The following MCUB variants were observed in gnomAD, a reference collection of about 807,000 sequenced individuals.
MCUB encodes mitochondrial calcium uniporter dominant negative subunit beta, also known as calcium uniporter regulatory subunit MCUb, mitochondrial.
A neutral mutation model predicts 41.4 loss-of-function variants in MCUB; 46 were observed. That is an observed-to-expected ratio of 1.11 (90% CI 0.88 to 1.42). MCUB has a LOEUF of 1.42. MCUB is among the 40% of genes most tolerant of loss of function. The probability of loss-of-function intolerance (pLI) is 0.00; values close to 1 mark genes in which losing one functional copy is unlikely to be tolerated. For synonymous variants in MCUB, 148 were observed against 148.2 expected (o/e 1.00, Z 0.01); for missense variants, 403 against 404.9 (o/e 1.00, Z 0.04).
rs539323420 is a variant in MCUB at position 109,566,864 on chromosome 4, G to A, written c.99+6428G>A. Among the ~76,000 whole-genome samples, 131 of 152,194 alleles carry A rather than the reference G, an allele frequency of 8.6e-4. 4 individuals are homozygous for A. In the South Asian group the frequency reaches 0.026, roughly 30 times the overall value. ...GCTCATTTCTATTCATGACCCAAAC[G>A]CATTTAGTTTATATAGCAGATGTTA... is the stretch of plus-strand genomic sequence containing the variant. On this transcript the variant is annotated intron_variant, in intron 1 of 7. Transcript: ENST00000394650.
At chr4:109,632,827 C>G (rs1479640877) in intron 1 of MCUB, among the ~76,000 whole-genome samples, 4 of 152,092 alleles carry the variant, frequency 2.6e-5, no homozygotes, top group Non-Finnish European at 5.9e-5. Context: ...GTTGGCCAGG[C>G]TGATCTCGAA....
chr4:109,683,906 C>G (rs779879752), intron 5 of MCUB, among the ~76,000 whole-genome samples: 4 of 152,088 alleles, frequency 2.6e-5, no homozygotes, highest in Non-Finnish European at 5.9e-5. Flanking sequence ...TTCATTTTTC[C>G]AAGGGCAGTT....
chr4:109,677,180 C>T (rs1466646637), intron 4 of MCUB, among the ~76,000 whole-genome samples: 1 of 152,218 alleles, frequency 6.6e-6, no homozygotes, highest in African/African-American at 2.4e-5. Context: ...GGGTTTTGGA[C>T]TTACGTGGGA....
chr4:109,583,122 G>T (rs1281630461), intron 1 of MCUB, among the ~76,000 whole-genome samples: 1 of 152,252 alleles, frequency 6.6e-6, no homozygotes, highest in Non-Finnish European at 1.5e-5. Context: ...AGCTTGATGG[G>T]TATGGCATTG....
At chr4:109,652,900 G>C (rs1728992497) in intron 1 of MCUB, among the ~76,000 whole-genome samples, 1 of 152,158 alleles carries the variant, frequency 6.6e-6, no homozygotes, top group South Asian at 2.1e-4. Flanking sequence ...CGCCATTCTA[G>C]GTGCTGGGGA....
intron 1 of MCUB, among the ~76,000 whole-genome samples, chr4:109,582,993 G>A (rs566020776): frequency 8.5e-5 from 13 of 152,238 alleles, no homozygotes; most frequent in South Asian, 4.2e-4. Flanking sequence ...AAGTCAGGTC[G>A]CATGATGCCT....
At chr4:109,567,845 C>G (rs1316571132) in intron 1 of MCUB, among the ~76,000 whole-genome samples, 1 of 152,000 alleles carries the variant, frequency 6.6e-6, no homozygotes, top group African/African-American at 2.4e-5. Context: ...ACTACAGCCG[C>G]CCGCCACCAT....
At chr4:109,645,330 C>T (rs959902088) in intron 1 of MCUB, among the ~76,000 whole-genome samples, 2 of 148,432 alleles carry the variant, frequency 1.3e-5, no homozygotes, top group Non-Finnish European at 2.9e-5. Context: ...CCTATCCTCT[C>T]CCCTCCATCG....
chr4:109,578,168 T>A (rs1727077060), intron 1 of MCUB, among the ~76,000 whole-genome samples: 1 of 152,096 alleles, frequency 6.6e-6, no homozygotes, highest in Non-Finnish European at 1.5e-5. Flanking sequence ...TTAAAACCAA[T>A]CTCTCTCTCT....
chr4:109,656,221 C>T (rs187801659), intron 1 of MCUB, among the ~76,000 whole-genome samples: 20 of 151,976 alleles, frequency 1.3e-4, no homozygotes, highest in African/African-American at 4.3e-4. Context: ...CGGACTCTAG[C>T]ATAGAATTTG....
intron 1 of MCUB, among the ~76,000 whole-genome samples, chr4:109,562,958 C>T (rs1204889420): frequency 6.6e-6 from 1 of 152,214 alleles, no homozygotes; most frequent in African/African-American, 2.4e-5. Flanking sequence ...CGTAGTAGAG[C>T]AAGAGCATAT....
At chr4:109,615,200 T>C (rs897582249) in intron 1 of MCUB, among the ~76,000 whole-genome samples, 1 of 152,164 alleles carries the variant, frequency 6.6e-6, no homozygotes, top group African/African-American at 2.4e-5. Flanking sequence ...GCTTGCGTAC[T>C]CTGTGGAAAA....
chr4:109,679,070 G>A (rs190477684), intron 4 of MCUB, among the ~76,000 whole-genome samples: 46 of 145,496 alleles, frequency 3.2e-4, no homozygotes, highest in Admixed American at 6.9e-4. Context: ...AGGCAGAGGC[G>A]CTCCTCACTT....
Position 109,687,544 on chromosome 4 carries a change from TTC to T in MCUB, c.969_970del (p.Cys324PhefsTer10), listed in dbSNP as rs748728563. The T allele has an allele frequency of 7.4e-6, 12 of 1,612,840 alleles. No homozygotes were observed. Among genetic ancestry groups the T allele is most frequent in the South Asian group, 3.3e-5 (3 of 90,940 alleles). ...AAGAATCCCTGAAACAGGCGCGTCA[TTC>T]TCTCTGTTTGCAAATGCAAGTAGAA... ...AKESLKQARH[S>X]LCLQMQVEEL... is the part of the protein sequence containing the mutation. On this transcript the variant is annotated frameshift_variant, in exon 8 of 8. Coordinates refer to ENST00000394650, the MANE Select transcript of MCUB (RefSeq NM_017918.5). LOFTEE classifies it low-confidence loss of function (END_TRUNC).
chr4:109,648,717 A>G, intron 1 of MCUB: 1 of 299,162 alleles, frequency 3.3e-6, no homozygotes. Flanking sequence ...TTTTTGGTAC[A>G]GAGAAGCAAA....
intron 1 of MCUB, among the ~76,000 whole-genome samples, chr4:109,579,541 A>G (rs1005886829): frequency 6.6e-6 from 1 of 152,156 alleles, no homozygotes; most frequent in South Asian, 2.1e-4. Flanking sequence ...GCAAAGCAGG[A>G]CCACCACATA....
At chr4:109,627,461 T>C (rs1728384788) in intron 1 of MCUB, among the ~76,000 whole-genome samples, 2 of 152,210 alleles carry the variant, frequency 1.3e-5, no homozygotes, top group South Asian at 2.1e-4. Context: ...TGTGCTCCCA[T>C]AGCAGTTTTT....
At chr4:109,563,008 A>G (rs137856051) in intron 1 of MCUB, among the ~76,000 whole-genome samples, 9 of 152,346 alleles carry the variant, frequency 5.9e-5, no homozygotes, top group African/African-American at 2.2e-4. Flanking sequence ...GGTGGCCATA[A>G]TCACGCTCTG....
intron 1 of MCUB, among the ~76,000 whole-genome samples, chr4:109,608,778 G>A (rs1727936477): frequency 6.6e-6 from 1 of 152,124 alleles, no homozygotes. Context: ...TGGGATTAAA[G>A]GCATGAGCCA....
Sources: gnomAD v4.1 joint callset for allele counts (sites outside exome capture counted in the v4.1 genomes callset) on GRCh38, gnomAD v4.1.1 for gene constraint, MANE v1.5 for transcripts, NCBI Gene and HGNC (gene_info 2026-07-23, HGNC 2026-07-21) for gene names.